Variants in CNTN6 observed in about 807,000 individuals in gnomAD.
The protein encoded by CNTN6 is contactin 6.
A neutral mutation model predicts 122.8 loss-of-function variants in CNTN6; 137 were observed. The observed-to-expected ratio is 1.12, with a 90% CI of 0.97 to 1.29. The LOEUF is 1.29. Among genes scored for constraint, CNTN6 ranks in the 50% most tolerant of loss-of-function variants. The probability of loss-of-function intolerance (pLI) is 0.00; values close to 1 mark genes in which losing one functional copy is unlikely to be tolerated. For synonymous variants in CNTN6, 570 were observed against 426.0 expected (o/e 1.34, Z -4.16); for missense variants, 1,634 against 1,223.4 (o/e 1.34, Z -5.01).
chr3:1,388,298 G>C (rs181383317), intron 20 of CNTN6, among the ~76,000 whole-genome samples: 3 of 141,788 alleles, frequency 2.1e-5, no homozygotes, highest in Non-Finnish European at 4.7e-5. Flanking sequence ...CCCAGCAGGG[G>C]CACACTGACA....
intron 4 of CNTN6, among the ~76,000 whole-genome samples, chr3:1,243,062 C>T (rs540623394): frequency 3.4e-4 from 52 of 152,154 alleles, no homozygotes; most frequent in African/African-American, 9.9e-4. Context: ...AATCAGGCAG[C>T]GTCAGTCTTC....
chr3:1,206,830 A>T (rs1236497073), intron 2 of CNTN6, among the ~76,000 whole-genome samples: 2 of 152,030 alleles, frequency 1.3e-5, no homozygotes, highest in African/African-American at 2.4e-5. Context: ...CTATTTGTCA[A>T]AGCTGACCAT....
At chr3:1,208,739 T>C (rs538925237) in intron 2 of CNTN6, among the ~76,000 whole-genome samples, 2 of 152,268 alleles carry the variant, frequency 1.3e-5, no homozygotes, top group East Asian at 3.9e-4. Flanking sequence ...TTCTCATCTT[T>C]AAAATGGAAA....
chr3:1,288,656 A>T (rs896863388), intron 5 of CNTN6, among the ~76,000 whole-genome samples: 3 of 152,210 alleles, frequency 2.0e-5, no homozygotes, highest in Non-Finnish European at 4.4e-5. Flanking sequence ...CTAAAGTGCC[A>T]ATAGAAGTTG....
At chr3:1,116,807 C>T (rs1048736235) in intron 1 of CNTN6, among the ~76,000 whole-genome samples, 6 of 148,852 alleles carry the variant, frequency 4.0e-5, no homozygotes, top group South Asian at 2.1e-4. Context: ...CAGGTTCAAG[C>T]GATTCTCATA....
In CNTN6 at chr3:1,373,748, A is replaced by C; in HGVS notation, c.1931A>C (p.Gln644Pro). The C allele has an allele frequency of 6.2e-7, 1 of 1,609,104 alleles. No homozygotes were observed. The highest frequency in any genetic ancestry group is 8.5e-7 in the Non-Finnish European group (1 of 1,177,456). The change falls in exon 15 of 23, where the codon CAG (glutamine) becomes CCG (proline). Residue 644 changes from glutamine (Q) to proline (P), a missense_variant. Physicochemically the swap from Gln to Pro is moderately conservative, Grantham distance 76. Coordinates refer to ENST00000446702, the MANE Select transcript of CNTN6 (RefSeq NM_001289080.2). ...CGGACACCATTTTCTGTGGGTTGGC[A>C]GGCTGTTGCTACAGGTGAGTGACAA... ...QTRTPFSVGW[Q>P]AVATVPEILN...
chr3:1,102,598 G>A (rs999655329), intron 1 of CNTN6, among the ~76,000 whole-genome samples: 2 of 132,742 alleles, frequency 1.5e-5, no homozygotes, highest in African/African-American at 3.7e-5. Context: ...GCGTGGTGGC[G>A]GCGCCTGTAG....
chr3:1,203,853 A>G (rs2093920204), intron 2 of CNTN6, among the ~76,000 whole-genome samples: 1 of 152,162 alleles, frequency 6.6e-6, no homozygotes. Context: ...GTAACTTAGG[A>G]TTATAATACC....
intron 7 of CNTN6, among the ~76,000 whole-genome samples, chr3:1,317,865 G>C (rs1700308451): frequency 6.9e-6 from 1 of 144,968 alleles, no homozygotes; most frequent in South Asian, 2.2e-4. Flanking sequence ...ATTGGGCTTT[G>C]TAAGGAAAAT....
intron 1 of CNTN6, among the ~76,000 whole-genome samples, chr3:1,145,628 AC>A (rs1290053208): frequency 2.0e-5 from 3 of 152,306 alleles, no homozygotes; most frequent in African/African-American, 7.2e-5. Context: ...TCCAGTGAAA[AC>A]AAAGATTTAT....
At chr3:1,299,333 G>T (rs1241921439) in intron 7 of CNTN6, among the ~76,000 whole-genome samples, 4 of 151,936 alleles carry the variant, frequency 2.6e-5, no homozygotes, top group Non-Finnish European at 4.4e-5. Context: ...TTGATAATTA[G>T]ATAATTAATT....
At chr3:1,340,394 A>G (rs1221485724) in intron 11 of CNTN6, among the ~76,000 whole-genome samples, 1 of 152,160 alleles carries the variant, frequency 6.6e-6, no homozygotes, top group East Asian at 1.9e-4. Flanking sequence ...TGATAGATGG[A>G]GTCTTATTTA....
At chr3:1,332,207 C>T (rs1702386180) in intron 11 of CNTN6, among the ~76,000 whole-genome samples, 1 of 151,964 alleles carries the variant, frequency 6.6e-6, no homozygotes, top group South Asian at 2.1e-4. Context: ...GTCACTACAT[C>T]TCCACCCGGT....
At chr3:1,105,555 C>T (rs898763168) in intron 1 of CNTN6, among the ~76,000 whole-genome samples, 1 of 152,094 alleles carries the variant, frequency 6.6e-6, no homozygotes, top group African/African-American at 2.4e-5. Context: ...TAATACCTGA[C>T]CTGGCTTTCA....
At chr3:1,199,999 A>T (rs2093837951) in intron 2 of CNTN6, among the ~76,000 whole-genome samples, 1 of 152,170 alleles carries the variant, frequency 6.6e-6, no homozygotes, top group Non-Finnish European at 1.5e-5. Flanking sequence ...CTACATTTTC[A>T]TAGATAAAGC....
chr3:1,172,758 G>T (rs1444915864), intron 2 of CNTN6, among the ~76,000 whole-genome samples: 1 of 152,116 alleles, frequency 6.6e-6, no homozygotes, highest in South Asian at 2.1e-4. Flanking sequence ...AGGGCAGTCA[G>T]ATTTCTGATA....
At chr3:1,094,933 A>G (rs977365495) in intron 1 of CNTN6, among the ~76,000 whole-genome samples, 2 of 152,186 alleles carry the variant, frequency 1.3e-5, no homozygotes, top group East Asian at 1.9e-4. Flanking sequence ...ATTAAAAATG[A>G]CTCAAACTAT....
At chr3:1,370,907 A>AT (rs2126134516) in intron 12 of CNTN6, among the ~76,000 whole-genome samples, 1 of 152,214 alleles carries the variant, frequency 6.6e-6, no homozygotes, top group South Asian at 2.1e-4. Context: ...TATGGAAAGT[A>AT]TTTTAAATAA....
intron 2 of CNTN6, among the ~76,000 whole-genome samples, chr3:1,186,439 GA>G (rs560476173): frequency 0.019 from 2,802 of 146,924 alleles, 74 homozygotes; most frequent in African/African-American, 0.066. Flanking sequence ...AAACTTTCAG[GA>G]AAAAAAAAAA....
Sources: gnomAD v4.1 joint callset for allele counts (sites outside exome capture counted in the v4.1 genomes callset) on GRCh38, gnomAD v4.1.1 for gene constraint, MANE v1.5 for transcripts, NCBI Gene and HGNC (gene_info 2026-07-23, HGNC 2026-07-21) for gene names.